Variants in CD86 observed in about 807,000 individuals in gnomAD.
The protein encoded by CD86 is CD86 molecule.
In CD86, 11 loss-of-function variants were observed where a neutral mutation model predicts 32.1. The ratio of observed to expected loss-of-function variants is 0.34; its 90% confidence interval spans 0.22 to 0.57. The LOEUF (loss-of-function observed/expected upper bound fraction) is 0.57. CD86 is among the 20% of genes least tolerant of loss of function. The probability of loss-of-function intolerance (pLI) is 0.86; values close to 1 mark genes in which losing one functional copy is unlikely to be tolerated. For synonymous variants in CD86, 137 were observed against 135.3 expected (o/e 1.01, Z -0.09); for missense variants, 359 against 398.4 (o/e 0.90, Z 0.84).
intron 1 of CD86, among the ~76,000 whole-genome samples, chr3:122,059,422 G>A (rs918636227): frequency 3.3e-5 from 5 of 152,024 alleles, no homozygotes; most frequent in African/African-American, 1.2e-4. Context: ...TGTAGTCCCA[G>A]CTACTTGGGA....
intron 2 of CD86, among the ~76,000 whole-genome samples, chr3:122,096,828 C>T (rs2072915543): frequency 6.6e-6 from 1 of 152,212 alleles, no homozygotes; most frequent in Admixed American, 6.5e-5. Flanking sequence ...CATGGCATTA[C>T]TTTGTATGGA....
At chr3:122,081,640 A>C (rs9831894) in intron 1 of CD86, among the ~76,000 whole-genome samples, 48,509 of 152,156 alleles carry the variant, frequency 0.32, 9,434 homozygotes, top group Admixed American at 0.49. Flanking sequence ...AGACTGTTAA[A>C]CAGTGCAGTG....
rs7626829 is a variant in CD86, at chr3:122,056,848, A to G, written c.14+1345A>G. ...CAAAATTTATAATTTTTGTGGTACC[A>G]TAGAGGGGATACTACTTAATTATGC... On this transcript the variant is annotated intron_variant, in intron 1 of 6. Transcript: ENST00000330540. Among the ~76,000 whole-genome samples the G allele has an allele frequency of 2.2e-3, 328 of 152,350 alleles. 1 individual carries two copies. The highest frequency in any genetic ancestry group is 3.7e-3 in the Non-Finnish European group (255 of 68,034).
At chr3:122,062,817 A>G (rs1220300585) in intron 1 of CD86, among the ~76,000 whole-genome samples, 1 of 152,210 alleles carries the variant, frequency 6.6e-6, no homozygotes, top group Non-Finnish European at 1.5e-5. Context: ...AGGAAGTCCT[A>G]TGGATATAAG....
chr3:122,083,310 C>T (rs532024202), intron 1 of CD86, among the ~76,000 whole-genome samples: 7 of 152,182 alleles, frequency 4.6e-5, no homozygotes, highest in Admixed American at 1.3e-4. Context: ...CAATAACACA[C>T]GTGTGATCTG....
At chr3:122,061,024 A>G (rs2072325471) in intron 1 of CD86, among the ~76,000 whole-genome samples, 1 of 152,242 alleles carries the variant, frequency 6.6e-6, no homozygotes, top group African/African-American at 2.4e-5. Context: ...AGTGGCAGGA[A>G]TATGATAAGC....
chr3:122,109,678 T>C (rs185416638), intron 5 of CD86, among the ~76,000 whole-genome samples: 67 of 152,352 alleles, frequency 4.4e-4, no homozygotes, highest in African/African-American at 1.6e-3. Flanking sequence ...TTACTTGCTT[T>C]ATCTACCTCA....
intron 5 of CD86, among the ~76,000 whole-genome samples, chr3:122,109,964 C>T (rs1364560098): frequency 6.6e-6 from 1 of 152,142 alleles, no homozygotes; most frequent in Admixed American, 6.5e-5. Flanking sequence ...TATAACTCCA[C>T]TAATAAGAAA....
chr3:122,101,372 T>C (rs1239885993), intron 2 of CD86, among the ~76,000 whole-genome samples: 28 of 151,634 alleles, frequency 1.8e-4, no homozygotes, highest in Admixed American at 1.8e-3. Flanking sequence ...AAGGGAGCAC[T>C]CGATGAGTGG....
chr3:122,097,150 C>G (rs190948817), intron 2 of CD86, among the ~76,000 whole-genome samples: 21 of 152,222 alleles, frequency 1.4e-4, no homozygotes, highest in Admixed American at 1.2e-3. Context: ...ATCAAATGGG[C>G]AAAAAGAATG....
chr3:122,074,723 A>G (rs562507071), intron 1 of CD86, among the ~76,000 whole-genome samples: 1 of 152,280 alleles, frequency 6.6e-6, no homozygotes, highest in Non-Finnish European at 1.5e-5. Flanking sequence ...GGTGAGGTCA[A>G]CTTCCACACC....
intron 4 of CD86, among the ~76,000 whole-genome samples, chr3:122,109,013 G>A (rs1324204144): frequency 6.6e-6 from 1 of 152,052 alleles, no homozygotes; most frequent in Non-Finnish European, 1.5e-5. Flanking sequence ...GATCATGGTC[G>A]GTGTTATCCC....
At chr3:122,082,251 C>A (rs1020600876) in intron 1 of CD86, among the ~76,000 whole-genome samples, 6 of 152,210 alleles carry the variant, frequency 3.9e-5, no homozygotes, top group Admixed American at 1.3e-4. Flanking sequence ...TCATCTGGAA[C>A]TGAAATCTGG....
In CD86 at chr3:122,064,838, G is replaced by A. The variant is rs2072391093; in HGVS notation, c.14+9335G>A. 2.0e-5 allele frequency among the ~76,000 whole-genome samples: 3 copies of A among 152,256 alleles called. No homozygotes were observed. The South Asian group carries it at 6.2e-4, about 32-fold the overall frequency. On this transcript the variant is annotated intron_variant, in intron 1 of 6. Coordinates refer to ENST00000330540, the MANE Select transcript of CD86 (RefSeq NM_175862.5). ...TATATTGGGGCCCAGGCTTTAGTGAGTCAGAGCGAGAAAGTAGGGGGCTGA... is the reference window on the plus strand; with the variant it reads ...TATATTGGGGCCCAGGCTTTAGTGAATCAGAGCGAGAAAGTAGGGGGCTGA...
intron 1 of CD86, among the ~76,000 whole-genome samples, chr3:122,090,219 G>C (rs1027993975): frequency 6.6e-6 from 1 of 152,032 alleles, no homozygotes; most frequent in Non-Finnish European, 1.5e-5. Flanking sequence ...GTATAGTCTA[G>C]AAGGAAAAAA....
At chr3:122,057,014 G>T (rs1465143356) in intron 1 of CD86, among the ~76,000 whole-genome samples, 1 of 151,906 alleles carries the variant, frequency 6.6e-6, no homozygotes, top group South Asian at 2.1e-4. Flanking sequence ...CATAAGAGAT[G>T]AAATAAATAC....
At chr3:122,101,018 G>A (rs765651534) in intron 2 of CD86, among the ~76,000 whole-genome samples, 13 of 152,166 alleles carry the variant, frequency 8.5e-5, no homozygotes, top group African/African-American at 1.2e-4. Flanking sequence ...CTCTGTGTGA[G>A]ATCATGGAAG....
intron 1 of CD86, among the ~76,000 whole-genome samples, chr3:122,057,845 T>G (rs1043878745): frequency 1.3e-5 from 2 of 152,222 alleles, no homozygotes; most frequent in South Asian, 4.1e-4. Flanking sequence ...CTTCCCTTAT[T>G]TTACAGAAGT....
At chr3:122,074,133 A>T (rs146181022) in intron 1 of CD86, among the ~76,000 whole-genome samples, 54 of 152,320 alleles carry the variant, frequency 3.5e-4, no homozygotes, top group African/African-American at 1.2e-3. Context: ...GGGAATGAGA[A>T]TATCTACTGA....
Sources: allele counts gnomAD v4.1 joint callset (sites outside exome capture counted in the v4.1 genomes callset), GRCh38; gene constraint gnomAD v4.1.1; transcripts MANE v1.5; gene names NCBI Gene and HGNC (gene_info 2026-07-23, HGNC 2026-07-21).